RANBP17: variants seen among roughly 807,000 people sequenced by gnomAD.
RANBP17 encodes RAN binding protein 17.
In RANBP17, 158 loss-of-function variants were observed where a neutral mutation model predicts 141.2. The ratio of observed to expected loss-of-function variants is 1.12; its 90% CI spans 0.98 to 1.28. The LOEUF is 1.28. Among genes scored for constraint, RANBP17 ranks in the 50% most tolerant of loss-of-function variants. The pLI is 0.00. For synonymous variants in RANBP17, 430 were observed against 450.0 expected, an observed-to-expected ratio of 0.96 and a Z score of 0.56; for missense variants, 1,438 against 1,290.7, an observed-to-expected ratio of 1.11 and a Z score of -1.75.
chr5:171,047,632 GT>G (rs571242352), intron 14 of RANBP17, among the ~76,000 whole-genome samples: 454 of 151,910 alleles, frequency 3.0e-3, no homozygotes, highest in African/African-American at 0.01. Flanking sequence ...TAGAGACAGG[GT>G]TTCACCATGT....
chr5:171,139,207 G>A (rs192278899), intron 14 of RANBP17, among the ~76,000 whole-genome samples: 16 of 152,062 alleles, frequency 1.1e-4, no homozygotes, highest in East Asian at 1.9e-4. Flanking sequence ...AGCCCCACCC[G>A]CTTTTCGGGT....
chr5:171,272,887 C>G (rs769679725), intron 25 of RANBP17, among the ~76,000 whole-genome samples: 1 of 152,182 alleles, frequency 6.6e-6, no homozygotes, highest in Non-Finnish European at 1.5e-5. Flanking sequence ...CCCACCACCA[C>G]CAAGACAGAC....
chr5:170,965,641 T>C (rs1215254581), intron 13 of RANBP17, among the ~76,000 whole-genome samples: 2 of 152,182 alleles, frequency 1.3e-5, no homozygotes, highest in East Asian at 1.9e-4. Context: ...CCCAGCACCA[T>C]TTATTAAATA....
At chr5:170,958,229 A>T (rs1775879297) in intron 13 of RANBP17, among the ~76,000 whole-genome samples, 1 of 152,146 alleles carries the variant, frequency 6.6e-6, no homozygotes, top group South Asian at 2.1e-4. Context: ...TCACTTTTCC[A>T]CACTTCTTAG....
intron 3 of RANBP17, among the ~76,000 whole-genome samples, chr5:170,890,581 T>G (rs1769514864): frequency 6.6e-6 from 1 of 152,186 alleles, no homozygotes; most frequent in African/African-American, 2.4e-5. Context: ...TGTTTTTAAT[T>G]AAATATTGAG....
intron 1 of RANBP17, among the ~76,000 whole-genome samples, chr5:170,877,400 G>A (rs1768274396): frequency 6.6e-6 from 1 of 152,076 alleles, no homozygotes; most frequent in Non-Finnish European, 1.5e-5. Flanking sequence ...TAATAGCTGG[G>A]ACTACAGGTG....
At chr5:171,069,005 T>C (rs1403320859) in intron 14 of RANBP17, among the ~76,000 whole-genome samples, 1 of 150,632 alleles carries the variant, frequency 6.6e-6, no homozygotes, top group African/African-American at 2.5e-5. Flanking sequence ...ATCCTTGTCA[T>C]GTGTGGTCAC....
intron 14 of RANBP17, among the ~76,000 whole-genome samples, chr5:170,989,952 C>CT (rs1778393890): frequency 6.6e-6 from 1 of 151,748 alleles, no homozygotes; most frequent in South Asian, 2.1e-4. Flanking sequence ...GTCTTTAGTA[C>CT]TAAAACAATG....
At position 170,909,733 on chromosome 5, in the gene RANBP17, G is replaced by T. The variant is rs374800221; in HGVS notation, c.562G>T (p.Val188Phe). The T allele has an allele frequency of 1.3e-6, 2 of 1,586,432 alleles. No individual in the cohort carries two copies. The highest frequency in any genetic ancestry group is 1.7e-6 in the Non-Finnish European group (2 of 1,156,942). ...TSFRDTSLKD[V>F]LVLACSLLKE... is the part of the protein sequence containing the mutation. ...ATTTCGTGATACTTCTCTCAAAGAC[G>T]TTTTAGTGCTAGCATGCTCTCTTTT... is the stretch of plus-strand genomic sequence containing the variant. Residue 188 changes from valine (V) to phenylalanine (F), a missense_variant, in exon 6 of 28, where the codon GTT (valine) becomes TTT (phenylalanine). Physicochemically the swap from Val to Phe is conservative, Grantham distance 50. Transcript: ENST00000523189.
At chr5:171,163,255 C>T (rs912451343) in intron 14 of RANBP17, among the ~76,000 whole-genome samples, 2 of 152,146 alleles carry the variant, frequency 1.3e-5, no homozygotes, top group Non-Finnish European at 2.9e-5. Context: ...TAATGTGGAT[C>T]TATTCAGTGT....
At chr5:171,099,637 G>A (rs776046813) in intron 14 of RANBP17, among the ~76,000 whole-genome samples, 1 of 152,084 alleles carries the variant, frequency 6.6e-6, no homozygotes, top group Non-Finnish European at 1.5e-5. Flanking sequence ...TTCCAACACT[G>A]TGTTGAGTAG....
chr5:170,934,478 C>A (rs202139841), intron 12 of RANBP17, among the ~76,000 whole-genome samples: 1 of 151,512 alleles, frequency 6.6e-6, no homozygotes, highest in Non-Finnish European at 1.5e-5. Flanking sequence ...TTCCTTTCCA[C>A]GTTTAGTGTA....
At position 170,924,269 on chromosome 5, in the gene RANBP17, G is replaced by T. The variant is rs75252828; in HGVS notation, c.1275-88G>T. 7,316 of 876,126 alleles carry T rather than the reference G, an allele frequency of 8.4e-3. 354 individuals are homozygous for T. The African/African-American group carries it at 0.1, about 12-fold the overall frequency. The allele number at this position is 876,126 out of a possible 1,614,324, so 54.3% of individuals were successfully genotyped here. On this transcript the variant is annotated intron_variant, in intron 11 of 27. Transcript: ENST00000523189. The stretch of plus-strand genomic sequence containing the variant: ...CTCTGTCTTTTATTCCTTTATTATA[G>T]AATTTTTATTTAACATGAAGTTTAT...
chr5:171,047,252 A>C (rs1782650083), intron 14 of RANBP17, among the ~76,000 whole-genome samples: 1 of 151,730 alleles, frequency 6.6e-6, no homozygotes, highest in African/African-American at 2.4e-5. Context: ...TCCTGACCTC[A>C]TGTGATCCAC....
chr5:171,146,193 C>A (rs1447777440), intron 14 of RANBP17, among the ~76,000 whole-genome samples: 1 of 151,992 alleles, frequency 6.6e-6, no homozygotes, highest in South Asian at 2.1e-4. Flanking sequence ...ATCTTCTATG[C>A]GTATAAGAGT....
chr5:171,026,590 A>T (rs562369392), intron 14 of RANBP17, among the ~76,000 whole-genome samples: 31 of 152,298 alleles, frequency 2.0e-4, no homozygotes, highest in African/African-American at 7.0e-4. Context: ...TCACACAATG[A>T]TTGTAGAAAT....
intron 14 of RANBP17, among the ~76,000 whole-genome samples, chr5:171,117,685 G>A (rs889904687): frequency 1.3e-4 from 20 of 151,896 alleles, no homozygotes; most frequent in Non-Finnish European, 7.4e-5. Context: ...GTAGAGATGG[G>A]GTTTCACCAT....
At chr5:171,002,762 C>T (rs1026223739) in intron 14 of RANBP17, among the ~76,000 whole-genome samples, 1 of 152,048 alleles carries the variant, frequency 6.6e-6, no homozygotes, top group Admixed American at 6.6e-5. Flanking sequence ...GTAGAACTAT[C>T]ATCAGTAAAC....
chr5:170,895,064 A>G (rs1769995309), intron 4 of RANBP17, among the ~76,000 whole-genome samples: 1 of 152,210 alleles, frequency 6.6e-6, no homozygotes, highest in South Asian at 2.1e-4. Flanking sequence ...TGGTGTACAC[A>G]TAGGATGGAT....
Sources: allele counts gnomAD v4.1 joint callset (sites outside exome capture counted in the v4.1 genomes callset), GRCh38; gene constraint gnomAD v4.1.1; transcripts MANE v1.5; gene names NCBI Gene and HGNC (gene_info 2026-07-23, HGNC 2026-07-21).